The following ZHX2 variants were observed in gnomAD, a reference collection of about 807,000 sequenced individuals.
ZHX2 encodes the protein zinc fingers and homeoboxes protein 2.
In ZHX2, 6 loss-of-function variants were observed where a neutral mutation model predicts 21.9. That is an observed-to-expected ratio of 0.27 (90% CI 0.15 to 0.54). ZHX2 has a LOEUF of 0.54. Among genes scored for constraint, ZHX2 ranks in the 20% least tolerant of loss-of-function variants. The pLI is 0.95. For missense variants in ZHX2, 908 were observed against 1,090.7 expected (o/e 0.83, Z 2.36); for synonymous variants, 434 against 437.1 (o/e 0.99, Z 0.09).
chr8:122,870,533 A>G (rs141579873), intron 2 of ZHX2, among the ~76,000 whole-genome samples: 4,877 of 149,522 alleles, frequency 0.033, 110 homozygotes, highest in Non-Finnish European at 0.048. Flanking sequence ...CAGCTACTTG[A>G]GAGGCTGAGA....
At chr8:122,832,283 G>A (rs1253373789) in intron 1 of ZHX2, among the ~76,000 whole-genome samples, 1 of 152,196 alleles carries the variant, frequency 6.6e-6, no homozygotes, top group East Asian at 1.9e-4. Flanking sequence ...TGTCTTTGAT[G>A]TTATGGGTTG....
chr8:122,952,061 C>A lies in ZHX2; in HGVS notation c.551C>A (p.Thr184Asn), dbSNP rs751669497. 1.9e-6 allele frequency: 3 copies of A among 1,613,178 alleles called. No individual in the cohort carries two copies. Among genetic ancestry groups the A allele is most frequent in the African/African-American group, 1.3e-5 (1 of 74,716 alleles). Residue 184 changes from threonine (T) to asparagine (N), a missense_variant, in exon 3 of 4, where the codon ACC becomes AAC. By Grantham distance (65) the Thr-to-Asn change is moderately conservative. Transcript: ENST00000314393. This position sits in a 1 kb window ranked among gnomAD's most constrained non-coding sequence, Gnocchi z 6.9. Reference sequence around the variant, plus strand: ...GATTCTGGGATCTCGGTGAGTAAAACCCCCATCATGAAGCCTGGAAAACCA... The same window carrying A: ...GATTCTGGGATCTCGGTGAGTAAAAACCCCATCATGAAGCCTGGAAAACCA... ...DSDSGISVSK[T>N]PIMKPGKPKA...
intron 1 of ZHX2, among the ~76,000 whole-genome samples, chr8:122,858,980 C>T (rs1346666462): frequency 1.3e-5 from 2 of 152,154 alleles, no homozygotes; most frequent in African/African-American, 2.4e-5. Flanking sequence ...CTGCCTTCCA[C>T]GTGCAGGAAC....
At chr8:122,955,839 ATT>A (rs540333833) in intron 3 of ZHX2, among the ~76,000 whole-genome samples, 33 of 104,864 alleles carry the variant, frequency 3.1e-4, no homozygotes, top group South Asian at 1.2e-3. Flanking sequence ...TGAGGGAGTG[ATT>A]TTTTTTTTTT....
intron 2 of ZHX2, among the ~76,000 whole-genome samples, chr8:122,884,623 A>G (rs766715251): frequency 7.9e-5 from 12 of 152,210 alleles, no homozygotes; most frequent in Admixed American, 5.9e-4. Context: ...CAACTCCCGC[A>G]AGTATCGTGG....
chr8:122,817,211 A>C (rs886744129), intron 1 of ZHX2, among the ~76,000 whole-genome samples: 4 of 152,202 alleles, frequency 2.6e-5, no homozygotes, highest in Non-Finnish European at 4.4e-5. Context: ...TCACAGTGTT[A>C]GATTCCAGTC....
chr8:122,856,812 A>G (rs1482089908), intron 1 of ZHX2, among the ~76,000 whole-genome samples: 1 of 152,122 alleles, frequency 6.6e-6, no homozygotes, highest in African/African-American at 2.4e-5. Context: ...TGAAAAGGAC[A>G]CATCTTTCCA....
chr8:122,874,733 A>G (rs1819522790), intron 2 of ZHX2, among the ~76,000 whole-genome samples: 1 of 152,168 alleles, frequency 6.6e-6, no homozygotes, highest in African/African-American at 2.4e-5. Flanking sequence ...GATAATATCC[A>G]CAGACCCAGT....
chr8:122,819,163 G>A (rs762397947), intron 1 of ZHX2, among the ~76,000 whole-genome samples: 6 of 152,238 alleles, frequency 3.9e-5, no homozygotes, highest in Admixed American at 1.3e-4. Context: ...AAGTAACAAT[G>A]AAGACCCCAG....
At chr8:122,857,477 A>G (rs551922087) in intron 1 of ZHX2, among the ~76,000 whole-genome samples, 1 of 152,310 alleles carries the variant, frequency 6.6e-6, no homozygotes, top group African/African-American at 2.4e-5. Context: ...TGAAACAAAT[A>G]TGGGTCAATT....
At chr8:122,868,737 G>A (rs1353387836) in intron 2 of ZHX2, among the ~76,000 whole-genome samples, 1 of 151,848 alleles carries the variant, frequency 6.6e-6, no homozygotes, top group Non-Finnish European at 1.5e-5. Context: ...AGACATGGCG[G>A]GGCTCACCTA....
intron 1 of ZHX2, among the ~76,000 whole-genome samples, chr8:122,860,874 A>G (rs1448234087): frequency 8.6e-5 from 13 of 151,990 alleles, no homozygotes; most frequent in Admixed American, 8.5e-4. Context: ...CTCTACTAAA[A>G]ATACAAAAAT....
At chr8:122,926,069 G>A (rs868665137) in intron 2 of ZHX2, among the ~76,000 whole-genome samples, 2 of 152,180 alleles carry the variant, frequency 1.3e-5, no homozygotes, top group Non-Finnish European at 2.9e-5. Flanking sequence ...GAAGCCACAC[G>A]CATGCGCCCC....
intron 1 of ZHX2, among the ~76,000 whole-genome samples, chr8:122,843,944 T>G (rs1818694260): frequency 7.1e-6 from 1 of 140,448 alleles, no homozygotes; most frequent in African/African-American, 2.9e-5. Flanking sequence ...ACACTTCGCT[T>G]TTTGTTCTCA....
At chr8:122,877,611 C>T (rs1381510646) in intron 2 of ZHX2, among the ~76,000 whole-genome samples, 1 of 152,186 alleles carries the variant, frequency 6.6e-6, no homozygotes, top group African/African-American at 2.4e-5. Flanking sequence ...CATCAAAACA[C>T]GAACTACAGT....
chr8:122,892,149 G>A (rs1402893063), intron 2 of ZHX2, among the ~76,000 whole-genome samples: 4 of 152,164 alleles, frequency 2.6e-5, no homozygotes, highest in African/African-American at 9.7e-5. Context: ...TCACTTTGCT[G>A]AATTGATCCA....
chr8:122,847,659 G>A (rs868451291), intron 1 of ZHX2, among the ~76,000 whole-genome samples: 11 of 152,198 alleles, frequency 7.2e-5, no homozygotes, highest in South Asian at 2.1e-4. Context: ...GCACATGGGG[G>A]ATGTGCTCAT....
rs191519807 is a variant in ZHX2, at chr8:122,935,834, C to G, written c.-219-15458C>G. 1.2e-3 allele frequency among the ~76,000 whole-genome samples: 183 copies of G among 152,242 alleles called. 3 individuals carry two copies. The highest frequency in any genetic ancestry group is 0.011 in the Admixed American group (168 of 15,298). On this transcript the variant is annotated intron_variant, in intron 2 of 3. Coordinates refer to ENST00000314393, the MANE Select transcript of ZHX2 (RefSeq NM_014943.5). ...ACAGGTGTGAGCCACCACGCCCGGC[C>G]GAGAGTCACTCTTTAGTCACCATCA...
At chr8:122,866,201 G>C (rs1290932802) in intron 2 of ZHX2, among the ~76,000 whole-genome samples, 1 of 152,212 alleles carries the variant, frequency 6.6e-6, no homozygotes, top group Non-Finnish European at 1.5e-5. Flanking sequence ...AGCTTAGGTA[G>C]TGTGGTCTCA....
Sources: allele counts gnomAD v4.1 joint callset (sites outside exome capture counted in the v4.1 genomes callset), GRCh38; gene constraint gnomAD v4.1.1; non-coding constraint Gnocchi (gnomAD v3.1); transcripts MANE v1.5; gene names NCBI Gene and HGNC (gene_info 2026-07-23, HGNC 2026-07-21).